LYRM4: variants seen among roughly 807,000 people sequenced by gnomAD.
LYRM4 encodes LYR motif-containing protein 4.
In LYRM4, 9 loss-of-function variants were observed where a neutral mutation model predicts 11.7. That is an observed-to-expected ratio of 0.77 (90% CI 0.46 to 1.34). The LOEUF is 1.34. LYRM4 is among the 40% of genes most tolerant of loss of function. The pLI, the probability that LYRM4 is intolerant of heterozygous loss-of-function variation, is 0.00. For synonymous variants in LYRM4, 42 were observed against 40.4 expected (o/e 1.04, Z -0.15); for missense variants, 133 against 112.5 (o/e 1.18, Z -0.82).
At chr6:5,066,466 A>G in the LYRM4 span, 1 of 759,982 alleles carries the variant, frequency 1.3e-6, no homozygotes. Flanking sequence ...AAATTCTGAA[A>G]GAGCCCTTGA....
chr6:5,111,040 T>C (rs1216145864), intron 2 of LYRM4, among the ~76,000 whole-genome samples: 1 of 152,140 alleles, frequency 6.6e-6, no homozygotes. Context: ...CAACCTGAAA[T>C]AGCTGCTGGG....
At chr6:5,259,370 A>C (rs1764840141) in intron 1 of LYRM4, among the ~76,000 whole-genome samples, 1 of 152,072 alleles carries the variant, frequency 6.6e-6, no homozygotes, top group Non-Finnish European at 1.5e-5. Context: ...TTATTATTAC[A>C]CTCTTTATTC....
At chr6:5,038,534 C>T in the LYRM4 span, among the ~76,000 whole-genome samples, 2 of 65,356 alleles carry the variant, frequency 3.1e-5, 1 homozygote, top group Non-Finnish European at 7.6e-5. Context: ...CCAAGGCAGG[C>T]GGCTGGGAGG....
chr6:5,140,690 T>C (rs1025994374), intron 2 of LYRM4, among the ~76,000 whole-genome samples: 2 of 152,244 alleles, frequency 1.3e-5, no homozygotes, highest in African/African-American at 4.8e-5. Context: ...TATCATTTCC[T>C]AGATTCTTAA....
chr6:5,040,705 A>AC, the LYRM4 span, among the ~76,000 whole-genome samples: 1 of 152,190 alleles, frequency 6.6e-6, no homozygotes, highest in Non-Finnish European at 1.5e-5. Flanking sequence ...TATCCCAATT[A>AC]CCCTGATTTG....
the LYRM4 span, among the ~76,000 whole-genome samples, chr6:5,091,043 C>T: frequency 6.6e-6 from 1 of 152,070 alleles, no homozygotes; most frequent in African/African-American, 2.4e-5. Context: ...TTTTGGTTCA[C>T]ACAATAGGAC....
chr6:5,043,925 C>T, the LYRM4 span, among the ~76,000 whole-genome samples: 6 of 152,298 alleles, frequency 3.9e-5, no homozygotes, highest in African/African-American at 1.4e-4. Context: ...CTTCCTGTTT[C>T]TTCCCAAGGA....
At chr6:5,145,718 A>G (rs1757683583) in intron 2 of LYRM4, among the ~76,000 whole-genome samples, 1 of 152,354 alleles carries the variant, frequency 6.6e-6, no homozygotes, top group South Asian at 2.1e-4. Context: ...AACATCAGAA[A>G]GGTCACCAAT....
intron 1 of LYRM4, among the ~76,000 whole-genome samples, chr6:5,238,146 A>G (rs1262396526): frequency 6.6e-6 from 1 of 152,134 alleles, no homozygotes; most frequent in African/African-American, 2.4e-5. Flanking sequence ...CTTACTTAAC[A>G]CACCCACAAA....
At chr6:5,036,305 G>C in the LYRM4 span, among the ~76,000 whole-genome samples, 1 of 152,168 alleles carries the variant, frequency 6.6e-6, no homozygotes, top group Admixed American at 6.5e-5. Flanking sequence ...TAATTTACAC[G>C]TGTGTTAATT....
the LYRM4 span, among the ~76,000 whole-genome samples, chr6:5,090,075 C>T: frequency 6.9e-6 from 1 of 145,948 alleles, no homozygotes; most frequent in South Asian, 2.2e-4. The surrounding 1 kb of genome is among the most constrained non-coding windows in gnomAD (Gnocchi z 4.8). Flanking sequence ...CCCTGCAATG[C>T]AGTCAGTGCT....
chr6:5,241,867 TC>T (rs1763901555), intron 1 of LYRM4, among the ~76,000 whole-genome samples: 2 of 80,126 alleles, frequency 2.5e-5, no homozygotes, highest in Admixed American at 2.5e-4. Context: ...TGGTGATACA[TC>T]GTGCCATTGG....
intron 2 of LYRM4, among the ~76,000 whole-genome samples, chr6:5,144,461 C>A (rs952380201): frequency 2.0e-5 from 3 of 151,602 alleles, no homozygotes; most frequent in African/African-American, 7.3e-5. Flanking sequence ...CATGGTGAAT[C>A]CCCGTCTCTA....
At chr6:5,080,395 A>G in the LYRM4 span, among the ~76,000 whole-genome samples, 1 of 152,240 alleles carries the variant, frequency 6.6e-6, no homozygotes, top group East Asian at 1.9e-4. Flanking sequence ...CATTGGTCAT[A>G]CTGGGATCTG....
At chr6:5,051,060 A>G in the LYRM4 span, among the ~76,000 whole-genome samples, 2 of 152,200 alleles carry the variant, frequency 1.3e-5, no homozygotes, top group African/African-American at 4.8e-5. Flanking sequence ...TCAAAAACAG[A>G]TTTGAACAGG....
At chr6:5,118,094 A>ATATATATATATATATATATTTT in intron 2 of LYRM4, among the ~76,000 whole-genome samples, 3 of 86,106 alleles carry the variant, frequency 3.5e-5, no homozygotes, top group Non-Finnish European at 4.8e-5. Context: ...ATATATATAT[A>ATATATATATATATATATATTTT]TTTTTGTTTT....
chr6:5,157,327 C>T (rs775331276), intron 2 of LYRM4, among the ~76,000 whole-genome samples: 1 of 152,054 alleles, frequency 6.6e-6, no homozygotes, highest in African/African-American at 2.4e-5. Context: ...GTATCTGTGA[C>T]GGACTATGAT....
the LYRM4 span, among the ~76,000 whole-genome samples, chr6:5,093,765 G>A: frequency 1.3e-4 from 20 of 152,360 alleles, no homozygotes; most frequent in South Asian, 3.7e-3. Context: ...GTTTGGGACT[G>A]TAGGGCAAGG....
chr6:5,250,141 T>C (rs1764363658), intron 1 of LYRM4, among the ~76,000 whole-genome samples: 1 of 152,164 alleles, frequency 6.6e-6, no homozygotes, highest in African/African-American at 2.4e-5. Context: ...TCTCTATCTT[T>C]ATTTTCTCAT....
Sources: allele counts gnomAD v4.1 joint callset (sites outside exome capture counted in the v4.1 genomes callset), GRCh38; gene constraint gnomAD v4.1.1; non-coding constraint Gnocchi (gnomAD v3.1); transcripts MANE v1.5; gene names NCBI Gene and HGNC (gene_info 2026-07-23, HGNC 2026-07-21).